The following NEK11 variants were observed in gnomAD, a reference collection of about 807,000 sequenced individuals.
NEK11 encodes serine/threonine-protein kinase Nek11.
Under a neutral mutation model 80.7 loss-of-function variants are expected in NEK11, and 72 were observed. The observed-to-expected ratio is 0.89, with a 90% confidence interval of 0.74 to 1.08. NEK11 has a LOEUF of 1.08. Ranked by LOEUF, NEK11 falls within the 50% of genes least tolerant of loss-of-function variation. The probability of loss-of-function intolerance (pLI) is 0.00; values close to 1 mark genes in which losing one functional copy is unlikely to be tolerated. For synonymous variants in NEK11, 251 were observed against 260.7 expected (o/e 0.96, Z 0.36); for missense variants, 764 against 763.6 (o/e 1.00, Z -0.01).
At position 131,213,497 on chromosome 3, in the gene NEK11, A is replaced by C. The variant is rs551544991; in HGVS notation, c.1400-15031A>C. ...GTGCATTCCAATGTACATGACAGAA[A>C]CTTTGTTAATGAGAAAATACAACGA... On this transcript the variant is annotated intron_variant, in intron 14 of 17. Transcript: ENST00000383366. Among the ~76,000 whole-genome samples the C allele has an allele frequency of 3.3e-5, 5 of 152,348 alleles. No homozygotes were observed. The East Asian group carries it at 7.7e-4, about 24-fold the overall frequency.
chr3:131,027,774 T>C (rs1164731593), intron 1 of NEK11, 156 bp from the exon 2 acceptor site: 1 of 62,468 alleles, frequency 1.6e-5, no homozygotes, highest in Non-Finnish European at 3.0e-5. Flanking sequence ...GGGCTGAGTC[T>C]GTGAGGGTGG....
intron 3 of NEK11, among the ~76,000 whole-genome samples, chr3:131,048,906 C>G (rs2067878766): frequency 6.6e-6 from 1 of 152,170 alleles, no homozygotes; most frequent in African/African-American, 2.4e-5. Flanking sequence ...CCCTCCTGAC[C>G]TTGGAGCTTC....
At chr3:131,115,927 T>TTTCC (rs2081004603) in intron 5 of NEK11, among the ~76,000 whole-genome samples, 1 of 107,914 alleles carries the variant, frequency 9.3e-6, no homozygotes, top group Non-Finnish European at 2.0e-5. Context: ...TCTTTCTTTC[T>TTTCC]TTCTTTCTTT....
chr3:131,169,200 C>T (rs1375637179), intron 13 of NEK11, among the ~76,000 whole-genome samples: 1 of 152,170 alleles, frequency 6.6e-6, no homozygotes, highest in African/African-American at 2.4e-5. Flanking sequence ...GTGCTTTCCT[C>T]CCCCTTGCCC....
intron 17 of NEK11, among the ~76,000 whole-genome samples, chr3:131,276,657 C>T (rs757786570): frequency 2.6e-5 from 4 of 151,548 alleles, no homozygotes; most frequent in Admixed American, 2.0e-4. Flanking sequence ...ATTACTGATC[C>T]GTTTGAGAAT....
intron 14 of NEK11, among the ~76,000 whole-genome samples, chr3:131,190,981 A>G (rs1223299691): frequency 6.6e-6 from 1 of 152,200 alleles, no homozygotes; most frequent in African/African-American, 2.4e-5. Context: ...AGTGAAACAC[A>G]TAGCCAATAA....
intron 16 of NEK11, among the ~76,000 whole-genome samples, chr3:131,272,096 G>A (rs539258479): frequency 1.2e-4 from 18 of 151,998 alleles, no homozygotes; most frequent in East Asian, 3.9e-4. Context: ...GCGAAACTCC[G>A]TCTCAAAAAA....
chr3:131,313,622 T>G (rs1390201012), intron 17 of NEK11, among the ~76,000 whole-genome samples: 1 of 152,218 alleles, frequency 6.6e-6, no homozygotes, highest in African/African-American at 2.4e-5. Context: ...TATCTTCTTC[T>G]GAAAAGTAAG....
At chr3:131,079,892 G>C (rs1227662050) in intron 3 of NEK11, among the ~76,000 whole-genome samples, 2 of 152,096 alleles carry the variant, frequency 1.3e-5, no homozygotes, top group Non-Finnish European at 2.9e-5. Context: ...GCATGCCTGT[G>C]AGTGTGTGTA....
At chr3:131,274,632 CTTTTTTTTTTTTTTTTTT>C (rs756861338) in intron 17 of NEK11, among the ~76,000 whole-genome samples, 27 of 45,306 alleles carry the variant, frequency 6.0e-4, no homozygotes, top group Admixed American at 8.1e-4. Flanking sequence ...TGTTTCCTGA[CTTTTTTTTTTTTTTTTTT>C]TTTTTTTTTT....
chr3:131,301,467 T>C (rs539152542), intron 17 of NEK11, among the ~76,000 whole-genome samples: 2 of 152,126 alleles, frequency 1.3e-5, no homozygotes, highest in African/African-American at 4.8e-5. Context: ...TCAAGGGGAA[T>C]GCTACAGCTT....
Position 131,321,884 on chromosome 3 carries a change from G to A in NEK11, c.1719-27673G>A, listed in dbSNP as rs189016166. Among the ~76,000 whole-genome samples, 625 of 152,328 alleles carry A rather than the reference G, an allele frequency of 4.1e-3. 1 individual carries two copies. Among genetic ancestry groups the A allele is most frequent in the Non-Finnish European group, 5.4e-3 (369 of 68,038 alleles). On this transcript the variant is annotated intron_variant, in intron 17 of 17. Coordinates refer to ENST00000383366, the MANE Select transcript of NEK11 (RefSeq NM_024800.5). ...AGAGAAAAGCTAAGGTTTATACACT[G>A]TTGGTGGGAATGTAAATTAGTTCAG... is the stretch of plus-strand genomic sequence containing the variant.
intron 17 of NEK11, chr3:131,325,386 A>G (rs1300004214): frequency 6.6e-6 from 1 of 152,182 alleles, no homozygotes. Flanking sequence ...TAGTAAAAGT[A>G]TTTTTTTAAT....
chr3:131,203,547 T>C (rs1387720230), intron 14 of NEK11, among the ~76,000 whole-genome samples: 1 of 150,810 alleles, frequency 6.6e-6, no homozygotes, highest in Non-Finnish European at 1.5e-5. Context: ...ACCTGCACTT[T>C]GTGCACATGT....
At position 131,174,921 on chromosome 3, in the gene NEK11, A is replaced by T. The variant is rs182520677; in HGVS notation, c.1399+4034A>T. The stretch of plus-strand genomic sequence containing the variant: ...GCCTTGGCTGCTTACCCACATCCTG[A>T]CCAGCTGTCACCTCTTCATTTCCTG... On this transcript the variant is annotated intron_variant, in intron 14 of 17. Transcript: ENST00000383366. 1.5e-4 allele frequency: 221 copies of T among 1,432,604 alleles called. 1 individual carries two copies. Among genetic ancestry groups the T allele is most frequent in the Admixed American group, 1.4e-3 (45 of 32,160 alleles). The allele number at this position is 1,432,604 out of a possible 1,614,324, so 88.7% of individuals were successfully genotyped here.
intron 14 of NEK11, among the ~76,000 whole-genome samples, chr3:131,211,042 C>T (rs537677540): frequency 1.6e-3 from 247 of 151,954 alleles, no homozygotes; most frequent in African/African-American, 5.8e-3. Flanking sequence ...ATTTTGCCCA[C>T]TAGTTGATGC....
intron 17 of NEK11, among the ~76,000 whole-genome samples, chr3:131,318,460 G>A (rs568849181): frequency 3.3e-5 from 5 of 152,062 alleles, no homozygotes; most frequent in African/African-American, 1.2e-4. Flanking sequence ...TTGTATAAAT[G>A]CACAAAAACA....
intron 3 of NEK11, among the ~76,000 whole-genome samples, chr3:131,044,834 G>A (rs1235571873): frequency 2.0e-5 from 3 of 151,988 alleles, no homozygotes; most frequent in Non-Finnish European, 4.4e-5. Flanking sequence ...TCTCAGCACC[G>A]CATAGCACTT....
chr3:131,285,780 C>T lies in NEK11; in HGVS notation c.1718+12206C>T, dbSNP rs527438363. Among the ~76,000 whole-genome samples, 5 of 152,282 alleles carry T rather than the reference C, an allele frequency of 3.3e-5. No individual in the cohort carries two copies. The East Asian group carries it at 5.8e-4, about 18-fold the overall frequency. ...TAAATAAATAATTTCTGTGTGTGCACGCATGTCTGTGCCAGCTGATGCTTA... is the reference window on the plus strand; with the variant it reads ...TAAATAAATAATTTCTGTGTGTGCATGCATGTCTGTGCCAGCTGATGCTTA... On this transcript the variant is annotated intron_variant, in intron 17 of 17. Coordinates refer to ENST00000383366, the MANE Select transcript of NEK11 (RefSeq NM_024800.5).
Sources: allele counts gnomAD v4.1 joint callset (sites outside exome capture counted in the v4.1 genomes callset), GRCh38; gene constraint gnomAD v4.1.1; transcripts MANE v1.5; gene names NCBI Gene and HGNC (gene_info 2026-07-23, HGNC 2026-07-21).